Variants in ADCY2 observed in about 807,000 individuals in gnomAD.
ADCY2 encodes adenylate cyclase type 2.
ADCY2 carries 31 observed loss-of-function variants against 125.2 expected under a neutral mutation model. That is an observed-to-expected ratio of 0.25 (90% CI 0.19 to 0.33). The LOEUF (loss-of-function observed/expected upper bound fraction) is 0.33. ADCY2 is among the 10% of genes least tolerant of loss of function. The pLI is 1.00. For synonymous variants in ADCY2, 512 were observed against 548.4 expected (o/e 0.93, Z 0.93); for missense variants, 904 against 1,418.2 (o/e 0.64, Z 5.82).
chr5:7,472,802 C>A lies in ADCY2; in HGVS notation c.409-47936C>A, dbSNP rs367862362. On this transcript the variant is annotated intron_variant, in intron 2 of 24. Transcript: ENST00000338316. ...CTTTACCTTGTCCTTAGGGTGTGTT[C>A]TGATTTGTTGGTTGGTGAGTTTTTT... Among the ~76,000 whole-genome samples, 44 of 152,192 alleles carry A rather than the reference C, an allele frequency of 2.9e-4. 1 individual carries two copies. The South Asian group carries it at 7.9e-3, about 27-fold the overall frequency.
At chr5:7,492,236 T>C (rs1055125225) in intron 2 of ADCY2, among the ~76,000 whole-genome samples, 4 of 152,178 alleles carry the variant, frequency 2.6e-5, no homozygotes, top group African/African-American at 9.7e-5. Context: ...ACAGGGCGTA[T>C]GTTGGTCAGT....
At chr5:7,514,060 T>C (rs566634369) in intron 2 of ADCY2, among the ~76,000 whole-genome samples, 155 of 152,300 alleles carry the variant, frequency 1.0e-3, no homozygotes, top group Non-Finnish European at 1.6e-3. Flanking sequence ...ATGCAACAAA[T>C]GGAAACTCTC....
In ADCY2 at chr5:7,720,899, TG is replaced by T. The variant is rs1409358664; in HGVS notation, c.1704-3643del. Among the ~76,000 whole-genome samples, 3 of 152,256 alleles carry T rather than the reference TG, an allele frequency of 2.0e-5. No individual in the cohort carries two copies. The East Asian group carries it at 5.8e-4, about 29-fold the overall frequency. On this transcript the variant is annotated intron_variant, in intron 12 of 24. Coordinates refer to ENST00000338316, the MANE Select transcript of ADCY2 (RefSeq NM_020546.3). ...TATAGCAGCATGTTTTATAATCCTT[TG>T]GGTATATACCCAGTAATGGGATGGC...
At chr5:7,655,273 CAG>C (rs1412715890) in intron 4 of ADCY2, among the ~76,000 whole-genome samples, 2 of 152,098 alleles carry the variant, frequency 1.3e-5, no homozygotes, top group Non-Finnish European at 2.9e-5. Flanking sequence ...CTGTATTAGT[CAG>C]GGGTCTTTAG....
intron 4 of ADCY2, chr5:7,654,094 C>T (rs755589083): frequency 1.6e-4 from 73 of 456,146 alleles, no homozygotes; most frequent in Admixed American, 2.3e-4. Flanking sequence ...TGAGGCTGGG[C>T]GCAGTCACCA....
chr5:7,818,005 C>G (rs1745173114), intron 23 of ADCY2, among the ~76,000 whole-genome samples: 1 of 152,048 alleles, frequency 6.6e-6, no homozygotes, highest in Non-Finnish European at 1.5e-5. Context: ...CAACACACAG[C>G]TTGGTTGCGA....
At chr5:7,753,841 C>T (rs1742903968) in intron 15 of ADCY2, among the ~76,000 whole-genome samples, 1 of 152,180 alleles carries the variant, frequency 6.6e-6, no homozygotes, top group Admixed American at 6.5e-5. Context: ...CTTCTACTTT[C>T]TTGTCCTTGC....
chr5:7,436,897 A>C (rs1740825489), intron 2 of ADCY2, among the ~76,000 whole-genome samples: 2 of 152,118 alleles, frequency 1.3e-5, no homozygotes, highest in Non-Finnish European at 2.9e-5. Context: ...AGGCCAGCTG[A>C]ACTTGTTGGA....
intron 20 of ADCY2, chr5:7,801,675 A>G (rs1404700366): frequency 6.6e-6 from 1 of 152,308 alleles, no homozygotes; most frequent in Non-Finnish European, 1.5e-5. Flanking sequence ...AAAACAAAAG[A>G]ATATCATGAA....
chr5:7,766,633 T>C, intron 16 of ADCY2, 54 bp from the exon 17 acceptor site: 3 of 1,589,794 alleles, frequency 1.9e-6, no homozygotes, highest in Non-Finnish European at 2.6e-6. Flanking sequence ...ACCCACCTGC[T>C]AGTTATTTAA....
At chr5:7,634,631 A>G (rs1409570021) in intron 4 of ADCY2, among the ~76,000 whole-genome samples, 2 of 152,048 alleles carry the variant, frequency 1.3e-5, no homozygotes, top group South Asian at 2.1e-4. Context: ...ATTTTTACAT[A>G]TATTCTTCTG....
At chr5:7,810,932 CT>C (rs985832373) in intron 22 of ADCY2, among the ~76,000 whole-genome samples, 9 of 152,070 alleles carry the variant, frequency 5.9e-5, no homozygotes, top group African/African-American at 2.2e-4. Flanking sequence ...TAGTTTTGAT[CT>C]TTTTCAAACA....
chr5:7,656,150 G>T (rs1444580442), intron 4 of ADCY2, among the ~76,000 whole-genome samples: 1 of 151,842 alleles, frequency 6.6e-6, no homozygotes, highest in Non-Finnish European at 1.5e-5. Context: ...CACCTCCCGG[G>T]TTCAAGCGAT....
At chr5:7,499,264 C>G (rs1743458251) in intron 2 of ADCY2, among the ~76,000 whole-genome samples, 1 of 152,084 alleles carries the variant, frequency 6.6e-6, no homozygotes, top group South Asian at 2.1e-4. Context: ...TCTCGGCCTC[C>G]CAAAGTGCTG....
chr5:7,776,535 G>A (rs1157402459), intron 18 of ADCY2, among the ~76,000 whole-genome samples: 1 of 152,186 alleles, frequency 6.6e-6, no homozygotes, highest in African/African-American at 2.4e-5. Context: ...GACCTTGAGT[G>A]CTCTGACGAC....
chr5:7,621,351 ACAAATG>A (rs1481451230), intron 3 of ADCY2, among the ~76,000 whole-genome samples: 3 of 151,972 alleles, frequency 2.0e-5, no homozygotes, highest in Non-Finnish European at 4.4e-5. Context: ...CAGCATAAAC[ACAAATG>A]CTTTATAAAG....
intron 2 of ADCY2, among the ~76,000 whole-genome samples, chr5:7,427,562 C>T (rs908252388): frequency 3.3e-5 from 5 of 152,160 alleles, no homozygotes; most frequent in African/African-American, 1.2e-4. Flanking sequence ...GTCCCTCCCA[C>T]AACACGTAGG....
chr5:7,694,073 A>G (rs1261849197), intron 5 of ADCY2, among the ~76,000 whole-genome samples: 1 of 152,160 alleles, frequency 6.6e-6, no homozygotes, highest in Non-Finnish European at 1.5e-5. Flanking sequence ...AAGCTGTCCC[A>G]GGAACCCTGA....
At chr5:7,782,888 TC>T (rs1407433311) in intron 18 of ADCY2, among the ~76,000 whole-genome samples, 1 of 152,220 alleles carries the variant, frequency 6.6e-6, no homozygotes, top group African/African-American at 2.4e-5. Flanking sequence ...AGGAGCAACT[TC>T]ATCTTATAAA....
Sources: allele counts gnomAD v4.1 joint callset (sites outside exome capture counted in the v4.1 genomes callset), GRCh38; gene constraint gnomAD v4.1.1; transcripts MANE v1.5; gene names NCBI Gene and HGNC (gene_info 2026-07-23, HGNC 2026-07-21).